Variants in BASP1 observed in about 807,000 individuals in gnomAD.
BASP1 encodes brain abundant membrane attached signal protein 1.
Under a neutral mutation model 2.2 loss-of-function variants are expected in BASP1, and 1 was observed. The ratio of observed to expected loss-of-function variants is 0.46; its 90% CI spans 0.16 to 2.17. The LOEUF (loss-of-function observed/expected upper bound fraction) is 2.17. Among genes scored for constraint, BASP1 ranks in the 30% most tolerant of loss-of-function variants. The probability of loss-of-function intolerance (pLI) is 0.27; values close to 1 mark genes in which losing one functional copy is unlikely to be tolerated. For missense variants in BASP1, 352 were observed against 327.2 expected (o/e 1.08, Z -0.58); for synonymous variants, 187 against 154.2 (o/e 1.21, Z -1.58).
At chr5:17,218,299 C>A (rs1332985637) in intron 1 of BASP1, among the ~76,000 whole-genome samples, 1 of 150,966 alleles carries the variant, frequency 6.6e-6, no homozygotes, top group African/African-American at 2.4e-5. Flanking sequence ...GGGCGGGAGT[C>A]CGGGGAGAAA....
intron 1 of BASP1, among the ~76,000 whole-genome samples, chr5:17,258,217 C>A (rs1740252796): frequency 6.6e-6 from 1 of 152,142 alleles, no homozygotes; most frequent in African/African-American, 2.4e-5. Context: ...GTTCTGTGCA[C>A]ACTCACTTCT....
At chr5:17,263,389 CCTCCCAA>C (rs1203370086) in intron 1 of BASP1, among the ~76,000 whole-genome samples, 2 of 152,146 alleles carry the variant, frequency 1.3e-5, no homozygotes, top group Non-Finnish European at 2.9e-5. Flanking sequence ...CTTGCTTCGG[CCTCCCAA>C]AGTCCTGGGA....
intron 1 of BASP1, among the ~76,000 whole-genome samples, chr5:17,270,368 G>C (rs1390162921): frequency 2.0e-5 from 3 of 152,028 alleles, no homozygotes; most frequent in Non-Finnish European, 4.4e-5. Context: ...ACTAATCTTT[G>C]GTTTTTATCT....
chr5:17,241,703 G>A (rs1739866836), intron 1 of BASP1, among the ~76,000 whole-genome samples: 1 of 152,198 alleles, frequency 6.6e-6, no homozygotes, highest in Non-Finnish European at 1.5e-5. Flanking sequence ...TGCAGGAACT[G>A]GAGTGAGCCA....
At chr5:17,254,144 T>C (rs938764876) in intron 1 of BASP1, among the ~76,000 whole-genome samples, 12 of 152,214 alleles carry the variant, frequency 7.9e-5, no homozygotes, top group East Asian at 7.7e-4. Flanking sequence ...TTTAGCATCT[T>C]GAAGGTAAAT....
intron 1 of BASP1, chr5:17,240,593 T>TAA (rs965568037): frequency 3.3e-5 from 5 of 152,036 alleles, no homozygotes; most frequent in African/African-American, 1.2e-4. Context: ...TCTGACTCTT[T>TAA]AAAAAAAGAG....
chr5:17,221,745 A>G (rs1352183623), intron 1 of BASP1, among the ~76,000 whole-genome samples: 1 of 152,278 alleles, frequency 6.6e-6, no homozygotes, highest in East Asian at 1.9e-4. Context: ...TCTTTGGCTT[A>G]ATTATAGTGG....
chr5:17,218,628 T>C (rs574250420), intron 1 of BASP1, among the ~76,000 whole-genome samples: 1 of 152,140 alleles, frequency 6.6e-6, no homozygotes, highest in South Asian at 2.1e-4. Flanking sequence ...GGCTTGAACC[T>C]GACAGCGCGC....
At chr5:17,266,249 T>G (rs1011432169) in intron 1 of BASP1, among the ~76,000 whole-genome samples, 2 of 152,148 alleles carry the variant, frequency 1.3e-5, no homozygotes, top group African/African-American at 4.8e-5. Context: ...AAGTTAAAAA[T>G]GCAGGAAAAA....
chr5:17,250,761 T>C (rs1273773526), intron 1 of BASP1, among the ~76,000 whole-genome samples: 1 of 152,048 alleles, frequency 6.6e-6, no homozygotes, highest in East Asian at 1.9e-4. Context: ...CCCACCACCA[T>C]GCCCGGCTAA....
chr5:17,219,935 G>T (rs1248721524), intron 1 of BASP1, among the ~76,000 whole-genome samples: 1 of 152,174 alleles, frequency 6.6e-6, no homozygotes, highest in East Asian at 1.9e-4. Context: ...CAGAAGCCAT[G>T]ATATACCTTT....
intron 1 of BASP1, among the ~76,000 whole-genome samples, chr5:17,242,033 C>T (rs1739872665): frequency 6.6e-6 from 1 of 152,140 alleles, no homozygotes; most frequent in Admixed American, 6.5e-5. Flanking sequence ...AAGAAAACAC[C>T]TCTCTCATTC....
At chr5:17,228,989 G>T (rs1010881257) in intron 1 of BASP1, among the ~76,000 whole-genome samples, 1 of 152,068 alleles carries the variant, frequency 6.6e-6, no homozygotes, top group Non-Finnish European at 1.5e-5. Flanking sequence ...TTGGAAGGGG[G>T]TGAGAATTCA....
At chr5:17,242,426 T>G (rs1226324229) in intron 1 of BASP1, among the ~76,000 whole-genome samples, 1 of 151,936 alleles carries the variant, frequency 6.6e-6, no homozygotes, top group Non-Finnish European at 1.5e-5. Context: ...CATGCATAGT[T>G]TCCCTCATTA....
At chr5:17,253,681 A>C (rs1326190040) in intron 1 of BASP1, among the ~76,000 whole-genome samples, 2 of 152,138 alleles carry the variant, frequency 1.3e-5, no homozygotes, top group Non-Finnish European at 2.9e-5. Context: ...ATCTTTCAGA[A>C]CTATTGTCTT....
At chr5:17,241,306 G>A (rs1311809309) in intron 1 of BASP1, among the ~76,000 whole-genome samples, 1 of 152,022 alleles carries the variant, frequency 6.6e-6, no homozygotes, top group African/African-American at 2.4e-5. Context: ...CGCCATGTTG[G>A]CCAGGATGGT....
intron 1 of BASP1, among the ~76,000 whole-genome samples, chr5:17,264,845 A>C (rs778470119): frequency 2.0e-5 from 3 of 152,196 alleles, no homozygotes; most frequent in Non-Finnish European, 4.4e-5. Context: ...CCAAATTTGC[A>C]TTTTCAAAGT....
chr5:17,219,725 AC>A (rs775816949), intron 1 of BASP1, among the ~76,000 whole-genome samples: 6 of 152,166 alleles, frequency 3.9e-5, no homozygotes, highest in Non-Finnish European at 5.9e-5. Flanking sequence ...GCCTACAAAA[AC>A]CGGAGAGAAG....
intron 1 of BASP1, among the ~76,000 whole-genome samples, chr5:17,271,504 C>T (rs1014987449): frequency 1.3e-5 from 2 of 152,172 alleles, no homozygotes; most frequent in African/African-American, 4.8e-5. Flanking sequence ...TACATAAACA[C>T]ATAGAACTGA....
Sources: gnomAD v4.1 joint callset for allele counts (sites outside exome capture counted in the v4.1 genomes callset) on GRCh38, gnomAD v4.1.1 for gene constraint, MANE v1.5 for transcripts, NCBI Gene and HGNC (gene_info 2026-07-23, HGNC 2026-07-21) for gene names.